The following ADARB1 variants were observed in gnomAD, a reference collection of about 807,000 sequenced individuals.
ADARB1 encodes the protein double-stranded RNA-specific editase 1.
ADARB1 carries 10 observed loss-of-function variants against 52.4 expected under a neutral mutation model. The observed-to-expected ratio is 0.19, with a 90% CI of 0.12 to 0.32. ADARB1 has a LOEUF of 0.32. Ranked by LOEUF, ADARB1 falls within the 10% of genes least tolerant of loss-of-function variation. The pLI, the probability that ADARB1 is intolerant of heterozygous loss-of-function variation, is 1.00. For missense variants in ADARB1, 643 were observed against 922.3 expected (o/e 0.70, Z 3.92); for synonymous variants, 349 against 371.1 (o/e 0.94, Z 0.68).
intron 2 of ADARB1, chr21:45,152,472 G>A (rs2090341855): frequency 4.1e-6 from 1 of 242,056 alleles, no homozygotes; most frequent in Non-Finnish European, 8.7e-6. Flanking sequence ...CGAGGCAGAG[G>A]AGGAGGCTCC....
Position 45,222,415 on chromosome 21 carries a change from G to T in ADARB1, c.*218G>T. The T allele has an allele frequency of 7.7e-7, 1 of 1,292,474 alleles. No homozygotes were observed. Among genetic ancestry groups the T allele is most frequent in the Non-Finnish European group, 9.8e-7 (1 of 1,024,888 alleles). 80.1% of individuals were successfully genotyped at this position (1,292,474 alleles called of 1,614,324 possible). A position where few individuals can be genotyped will look rare whatever the true frequency, so the allele number is the denominator to read the frequency against. ...ATGGGGTGCGTCAGGGCCCAGCATC[G>T]CCGCCTGGCATCTCTCTGCCGCAGC... On this transcript the variant is annotated 3_prime_UTR_variant, in exon 11 of 11. Transcript: ENST00000348831.
chr21:45,140,456 A>G (rs1328669330), intron 2 of ADARB1, among the ~76,000 whole-genome samples: 1 of 152,108 alleles, frequency 6.6e-6, no homozygotes, highest in Non-Finnish European at 1.5e-5. Context: ...CATGCCTTGT[A>G]GCTTCTGGGT....
chr21:45,171,903 A>T (rs576825805), intron 3 of ADARB1: 3 of 554,552 alleles, frequency 5.4e-6, no homozygotes, highest in Non-Finnish European at 9.5e-6. Flanking sequence ...GTCGTGGGGC[A>T]TCACTGTGCC....
At chr21:45,153,577 T>G (rs534515324) in intron 2 of ADARB1, among the ~76,000 whole-genome samples, 14 of 152,168 alleles carry the variant, frequency 9.2e-5, no homozygotes, top group Non-Finnish European at 2.1e-4. Context: ...GAAGTAAAAT[T>G]AACCTCGGTT....
chr21:45,076,995 C>G (rs934278736), intron 1 of ADARB1, among the ~76,000 whole-genome samples: 56 of 152,366 alleles, frequency 3.7e-4, no homozygotes, highest in Non-Finnish European at 1.2e-4. Context: ...CCTCATTCCA[C>G]TCCATCCCTG....
At position 45,183,369 on chromosome 21, in the gene ADARB1, G is replaced by T; in HGVS notation, c.1255G>T (p.Asp419Tyr). ...TQLELYLNNK[D>Y]DQKRSIFQKS... ...CAACTTTTTTCCTTTCAGTAACAAA[G>T]ATGATCAAAAAAGATCCATCTTTCA... The change falls in exon 7 of 11, where the codon GAT becomes TAT. Residue 419 changes from aspartate (D) to tyrosine (Y), a missense_variant. Coordinates refer to ENST00000348831, the MANE Select transcript of ADARB1 (RefSeq NM_001112.4). 1 of 1,597,424 alleles carries T rather than the reference G, an allele frequency of 6.3e-7. No individual in the cohort carries two copies. Among genetic ancestry groups the T allele is most frequent in the Non-Finnish European group, 8.5e-7 (1 of 1,175,392 alleles).
chr21:45,184,557 C>T (rs751207108), intron 7 of ADARB1: 6 of 360,544 alleles, frequency 1.7e-5, no homozygotes, highest in Non-Finnish European at 2.8e-5. Flanking sequence ...CTTAAGCGAT[C>T]CTTCCACCTC....
chr21:45,100,821 G>A (rs2086969563), intron 1 of ADARB1: 1 of 152,758 alleles, frequency 6.5e-6, no homozygotes, highest in East Asian at 1.9e-4. Flanking sequence ...CCCTACAGGA[G>A]AATGGGCCAC....
chr21:45,180,181 A>C (rs2091876486), intron 4 of ADARB1, 149 bp from the exon 5 acceptor site: 2 of 652,716 alleles, frequency 3.1e-6, no homozygotes, highest in South Asian at 3.6e-5. Context: ...ACATACACAC[A>C]TACTTGTTTG....
intron 2 of ADARB1, among the ~76,000 whole-genome samples, chr21:45,130,076 G>A (rs1242146983): frequency 6.6e-6 from 1 of 152,142 alleles, no homozygotes; most frequent in African/African-American, 2.4e-5. Context: ...CTTAATTAGT[G>A]ATAGGAAATC....
intron 3 of ADARB1, 59 bp from the exon 4 acceptor site, chr21:45,175,671 T>G: frequency 6.5e-7 from 1 of 1,536,994 alleles, no homozygotes; most frequent in Non-Finnish European, 8.9e-7. Context: ...TCTATAAATT[T>G]TGCATTTACA....
chr21:45,124,820 A>G (rs1405963648), intron 1 of ADARB1, among the ~76,000 whole-genome samples: 1 of 131,424 alleles, frequency 7.6e-6, no homozygotes, highest in Non-Finnish European at 1.6e-5. Flanking sequence ...TGTGTGTGAC[A>G]GGGTCTCACT....
chr21:45,093,682 C>T (rs1348078847), intron 1 of ADARB1, among the ~76,000 whole-genome samples: 1 of 152,052 alleles, frequency 6.6e-6, no homozygotes, highest in Non-Finnish European at 1.5e-5. Flanking sequence ...GGCTCCTCAC[C>T]AGGGGTATGG....
Position 45,222,212 on chromosome 21 carries a change from A to G in ADARB1, c.*15A>G. 6.6e-7 allele frequency: 1 copy of G among 1,511,288 alleles called. No homozygotes were observed. The highest frequency in any genetic ancestry group is 8.9e-7 in the Non-Finnish European group (1 of 1,128,102). The allele number at this position is 1,511,288 out of a possible 1,614,324, so 93.6% of individuals were successfully genotyped here. A position where few individuals can be genotyped will look rare whatever the true frequency, so the allele number is the denominator to read the frequency against. Reference sequence around the variant, plus strand: ...TCACGCCCTGACCCGGGCAGACATGATGGGGGGTGCAGGGGGCTGTGGGCA... The same window carrying G: ...TCACGCCCTGACCCGGGCAGACATGGTGGGGGGTGCAGGGGGCTGTGGGCA... On this transcript the variant is annotated 3_prime_UTR_variant, in exon 11 of 11. Coordinates refer to ENST00000348831, the MANE Select transcript of ADARB1 (RefSeq NM_001112.4).
intron 8 of ADARB1, among the ~76,000 whole-genome samples, chr21:45,199,846 T>C (rs1176571197): frequency 6.6e-6 from 1 of 152,176 alleles, no homozygotes; most frequent in East Asian, 1.9e-4. Flanking sequence ...AAGCCATCCA[T>C]TTGGAGGATC....
intron 2 of ADARB1, among the ~76,000 whole-genome samples, chr21:45,162,278 G>A (rs547771370): frequency 1.3e-5 from 2 of 152,308 alleles, no homozygotes; most frequent in East Asian, 1.9e-4. Flanking sequence ...TGTGTGGTAT[G>A]CCTGGTTCAG....
rs548561903 is a variant in ADARB1 at position 45,204,122 on chromosome 21, C to T, written c.1566-433C>T. Among the ~76,000 whole-genome samples the T allele has an allele frequency of 6.6e-6, 1 of 152,324 alleles. No individual in the cohort carries two copies. The highest frequency in any genetic ancestry group is 1.5e-5 in the Non-Finnish European group (1 of 68,032). On this transcript the variant is annotated intron_variant, in intron 8 of 10. Coordinates refer to ENST00000348831, the MANE Select transcript of ADARB1 (RefSeq NM_001112.4). The surrounding 1 kb of genome is among the most constrained non-coding windows in gnomAD (Gnocchi z 4.4). ...CAAGATCGCACCACACTCCTCAGAACGGCATACAGTTGAAAGTCTGGAAGT... is the reference window on the plus strand; with the variant it reads ...CAAGATCGCACCACACTCCTCAGAATGGCATACAGTTGAAAGTCTGGAAGT...
chr21:45,209,791 T>C (rs893624949), intron 9 of ADARB1, among the ~76,000 whole-genome samples: 4 of 152,232 alleles, frequency 2.6e-5, no homozygotes, highest in African/African-American at 7.2e-5. Flanking sequence ...CTGATCTGGA[T>C]TGTTGAGTCT....
intron 1 of ADARB1, among the ~76,000 whole-genome samples, chr21:45,115,008 G>A (rs1197403218): frequency 6.6e-6 from 1 of 152,214 alleles, no homozygotes; most frequent in East Asian, 1.9e-4. Context: ...CAACAGCAAA[G>A]TGGCATGATC....
Sources: gnomAD v4.1 joint callset for allele counts (sites outside exome capture counted in the v4.1 genomes callset) on GRCh38, gnomAD v4.1.1 for gene constraint, Gnocchi (gnomAD v3.1) non-coding constraint, MANE v1.5 for transcripts, NCBI Gene and HGNC (gene_info 2026-07-23, HGNC 2026-07-21) for gene names.